RSRC1: variants seen among roughly 807,000 people sequenced by gnomAD.
The protein encoded by RSRC1 is serine/Arginine-related protein 53.
A neutral mutation model predicts 49.1 loss-of-function variants in RSRC1; 39 were observed. The observed-to-expected ratio is 0.79, with a 90% confidence interval of 0.61 to 1.04. The LOEUF (loss-of-function observed/expected upper bound fraction) is 1.04, where lower values mean the gene tolerates loss of function less well. RSRC1 is among the 50% of genes least tolerant of loss of function. RSRC1 has a pLI of 0.00. For missense variants in RSRC1, 388 were observed against 402.4 expected, an observed-to-expected ratio of 0.96 and a Z score of 0.31; for synonymous variants, 143 against 130.8, an observed-to-expected ratio of 1.09 and a Z score of -0.63.
intron 6 of RSRC1, among the ~76,000 whole-genome samples, chr3:158,459,886 A>C (rs970647294): frequency 6.6e-6 from 1 of 151,932 alleles, no homozygotes; most frequent in Non-Finnish European, 1.5e-5. Context: ...GAAAAATCAA[A>C]CTTTGAAGAA....
intron 7 of RSRC1, among the ~76,000 whole-genome samples, chr3:158,488,642 T>C (rs1371157726): frequency 6.6e-6 from 1 of 152,174 alleles, no homozygotes; most frequent in Non-Finnish European, 1.5e-5. Context: ...AGAAATAAAA[T>C]TCCCTGATAA....
At chr3:158,309,410 T>C (rs990343320) in intron 5 of RSRC1, among the ~76,000 whole-genome samples, 9 of 151,890 alleles carry the variant, frequency 5.9e-5, no homozygotes, top group East Asian at 1.9e-4. Flanking sequence ...TTTATAATTA[T>C]TGGTCTGATT....
At chr3:158,244,980 C>T (rs1340688124) in intron 4 of RSRC1, among the ~76,000 whole-genome samples, 1 of 146,404 alleles carries the variant, frequency 6.8e-6, no homozygotes, top group East Asian at 2.0e-4. Context: ...AAAACCAGCT[C>T]CTGGATTTGT....
intron 4 of RSRC1, among the ~76,000 whole-genome samples, chr3:158,246,595 G>A (rs867152026): frequency 1.3e-5 from 2 of 152,076 alleles, no homozygotes; most frequent in African/African-American, 4.8e-5. Flanking sequence ...AATTCTCTCA[G>A]CATTTGCTTG....
intron 3 of RSRC1, among the ~76,000 whole-genome samples, chr3:158,154,073 A>C (rs1578140961): frequency 6.6e-6 from 1 of 152,214 alleles, no homozygotes; most frequent in South Asian, 2.1e-4. Flanking sequence ...CCACCACAAG[A>C]AGGTGAATAT....
chr3:158,324,124 A>T (rs1168910181), intron 5 of RSRC1, among the ~76,000 whole-genome samples: 1 of 152,208 alleles, frequency 6.6e-6, no homozygotes, highest in East Asian at 1.9e-4. Context: ...ATATCAATAT[A>T]GCAAAATTCA....
chr3:158,124,705 A>C (rs1262844746), intron 3 of RSRC1, among the ~76,000 whole-genome samples: 2 of 151,934 alleles, frequency 1.3e-5, no homozygotes, highest in Non-Finnish European at 1.5e-5. Flanking sequence ...GTTTATTAGC[A>C]TTCTTAGTAG....
chr3:158,425,306 C>A (rs1236068291), intron 6 of RSRC1, among the ~76,000 whole-genome samples: 2 of 152,040 alleles, frequency 1.3e-5, no homozygotes, highest in Non-Finnish European at 2.9e-5. Context: ...TTTCAAAGAA[C>A]ATCTTTATTT....
chr3:158,330,062 C>A (rs371890258), intron 5 of RSRC1, among the ~76,000 whole-genome samples: 1 of 152,190 alleles, frequency 6.6e-6, no homozygotes, highest in Admixed American at 6.5e-5. Flanking sequence ...CCTGGTGTGC[C>A]GTTTGCTAAG....
chr3:158,261,118 C>T (rs1724871092), intron 4 of RSRC1, among the ~76,000 whole-genome samples: 1 of 152,194 alleles, frequency 6.6e-6, no homozygotes, highest in African/African-American at 2.4e-5. Flanking sequence ...GGGATGATCA[C>T]TGCAGGCTCC....
intron 6 of RSRC1, among the ~76,000 whole-genome samples, chr3:158,444,970 G>C (rs1372850683): frequency 2.0e-5 from 3 of 152,124 alleles, no homozygotes; most frequent in East Asian, 1.9e-4. Context: ...TCTCACACCA[G>C]TTAGAATGGC....
At chr3:158,134,826 A>C (rs551219635) in intron 3 of RSRC1, among the ~76,000 whole-genome samples, 29 of 152,332 alleles carry the variant, frequency 1.9e-4, no homozygotes, top group Middle Eastern at 3.4e-3. Flanking sequence ...AGACAAAGAG[A>C]TGTGGAGTTG....
chr3:158,114,608 G>A (rs551967331), intron 1 of RSRC1, among the ~76,000 whole-genome samples: 7 of 152,080 alleles, frequency 4.6e-5, no homozygotes, highest in South Asian at 2.1e-4. Flanking sequence ...CCATTTTCAC[G>A]ATATTGATTC....
At chr3:158,209,815 A>AT (rs1163975441) in intron 4 of RSRC1, among the ~76,000 whole-genome samples, 2 of 152,038 alleles carry the variant, frequency 1.3e-5, no homozygotes, top group East Asian at 3.9e-4. Context: ...TAATATGGGG[A>AT]TGGTGGTACT....
intron 6 of RSRC1, among the ~76,000 whole-genome samples, chr3:158,435,658 T>C (rs924430298): frequency 6.6e-6 from 1 of 151,712 alleles, no homozygotes; most frequent in Admixed American, 6.6e-5. Flanking sequence ...AAGTATATAT[T>C]TCTAATTTTT....
At chr3:158,208,347 A>G (rs1197360633) in intron 4 of RSRC1, among the ~76,000 whole-genome samples, 1 of 152,086 alleles carries the variant, frequency 6.6e-6, no homozygotes, top group Non-Finnish European at 1.5e-5. Flanking sequence ...TAGTCAGAGC[A>G]ACTGTATTTC....
intron 5 of RSRC1, among the ~76,000 whole-genome samples, chr3:158,323,256 T>G (rs1035918444): frequency 9.8e-5 from 15 of 152,314 alleles, no homozygotes; most frequent in Non-Finnish European, 1.2e-4. Context: ...ATTTTGAGTG[T>G]TTATTGATAT....
intron 6 of RSRC1, among the ~76,000 whole-genome samples, chr3:158,357,487 C>A (rs1731220771): frequency 6.6e-6 from 1 of 152,078 alleles, no homozygotes; most frequent in African/African-American, 2.4e-5. Context: ...TAACATATTA[C>A]ACCTTTTTGA....
chr3:158,235,036 G>A (rs1008846096), intron 4 of RSRC1, among the ~76,000 whole-genome samples: 7 of 152,060 alleles, frequency 4.6e-5, no homozygotes, highest in Admixed American at 4.6e-4. Context: ...TTACACAGAT[G>A]GAAATTCATG....
Sources: allele counts gnomAD v4.1 joint callset (sites outside exome capture counted in the v4.1 genomes callset), GRCh38; gene constraint gnomAD v4.1.1; transcripts MANE v1.5; gene names NCBI Gene and HGNC (gene_info 2026-07-23, HGNC 2026-07-21).